TXNDC16: variants seen among roughly 807,000 people sequenced by gnomAD.
The protein encoded by TXNDC16 is thioredoxin domain containing 16.
TXNDC16 carries 74 observed loss-of-function variants against 85.6 expected under a neutral mutation model. The observed-to-expected ratio is 0.86, with a 90% CI of 0.72 to 1.05. The LOEUF (loss-of-function observed/expected upper bound fraction) is 1.05. Among genes scored for constraint, TXNDC16 ranks in the 50% least tolerant of loss-of-function variants. The probability of loss-of-function intolerance (pLI) is 0.00; values close to 1 mark genes in which losing one functional copy is unlikely to be tolerated. For missense variants in TXNDC16, 959 were observed against 947.0 expected (o/e 1.01, Z -0.17); for synonymous variants, 335 against 326.5 (o/e 1.03, Z -0.28).
rs767800615 is a variant in TXNDC16 at position 52,536,762 on chromosome 14, C to T, written c.349G>A (p.Asp117Asn). The change falls in exon 6 of 21, where the codon GAC becomes AAC. Residue 117 changes from aspartate to asparagine, a missense_variant. Coordinates refer to ENST00000281741, the MANE Select transcript of TXNDC16 (RefSeq NM_020784.3). ...GNILLREFPT[D>N]TLFDVNAIVA... is the part of the protein sequence containing the mutation. ...ATGGCATTCACATCAAACAAGGTGT[C>T]AGTAGGGAATTCTCTGAGCAATATG... The T allele has an allele frequency of 9.9e-6, 16 of 1,611,824 alleles. 1 individual carries two copies. The South Asian group carries it at 1.8e-4, about 18-fold the overall frequency.
chr14:52,478,392 G>A (rs1283977830), intron 14 of TXNDC16, among the ~76,000 whole-genome samples: 1 of 152,056 alleles, frequency 6.6e-6, no homozygotes, highest in Non-Finnish European at 1.5e-5. Context: ...CAAAAAGCTG[G>A]TTCTTTGCAA....
chr14:52,497,666 G>C (rs1050796405), intron 9 of TXNDC16, among the ~76,000 whole-genome samples: 2 of 152,140 alleles, frequency 1.3e-5, no homozygotes, highest in African/African-American at 4.8e-5. Flanking sequence ...GATTGCCTGA[G>C]CTCAGGAGTT....
intron 18 of TXNDC16, among the ~76,000 whole-genome samples, chr14:52,450,866 TATATATATATATATAC>T (rs1038240133): frequency 4.1e-4 from 18 of 43,458 alleles, no homozygotes; most frequent in African/African-American, 1.9e-3. Context: ...TATATATATA[TATATATATATATATAC>T]ACACACACAC....
intron 18 of TXNDC16, among the ~76,000 whole-genome samples, chr14:52,454,000 A>G (rs990555259): frequency 6.6e-6 from 1 of 152,274 alleles, no homozygotes; most frequent in Non-Finnish European, 1.5e-5. Context: ...ATAGTAAAAA[A>G]TAATTTAATT....
intron 14 of TXNDC16, among the ~76,000 whole-genome samples, chr14:52,481,819 A>T (rs1426086881): frequency 6.6e-6 from 1 of 152,164 alleles, no homozygotes; most frequent in African/African-American, 2.4e-5. Context: ...TAAACTATAT[A>T]GTTTCAAGGA....
At chr14:52,543,293 T>C in intron 3 of TXNDC16, 105 bp downstream of exon 3, 1 of 1,236,524 alleles carries the variant, frequency 8.1e-7, no homozygotes, top group Non-Finnish European at 1.1e-6. Flanking sequence ...GTAACAGCTA[T>C]ATAGCACATA....
At chr14:52,517,277 T>C (rs988630048) in intron 7 of TXNDC16, among the ~76,000 whole-genome samples, 3 of 152,178 alleles carry the variant, frequency 2.0e-5, no homozygotes, top group African/African-American at 7.2e-5. Context: ...GTGCTCAGCC[T>C]GTTCAATACT....
intron 1 of TXNDC16, among the ~76,000 whole-genome samples, chr14:52,547,405 T>C (rs1025522876): frequency 3.9e-5 from 6 of 152,266 alleles, no homozygotes; most frequent in African/African-American, 1.4e-4. Context: ...TAGAACATTT[T>C]ATAGCAATTT....
At position 52,431,536 on chromosome 14, in the gene TXNDC16, T is replaced by C. The variant is rs1183080141; in HGVS notation, c.*768A>G. 1.3e-5 allele frequency: 2 copies of C among 152,174 alleles called. No individual in the cohort carries two copies. Among genetic ancestry groups the C allele is most frequent in the African/African-American group, 4.8e-5 (2 of 41,424 alleles). 9.4% of individuals were successfully genotyped at this position (152,174 alleles called of 1,614,324 possible). On this transcript the variant is annotated 3_prime_UTR_variant, in exon 21 of 21. Transcript: ENST00000281741. ...ATGATACGTGAGCAGAACCAGGAAATTCTGGAAACCTAGTCTGCCACAGGT... is the reference window on the plus strand; with the variant it reads ...ATGATACGTGAGCAGAACCAGGAAACTCTGGAAACCTAGTCTGCCACAGGT...
intron 12 of TXNDC16, 109 bp downstream of exon 12, chr14:52,488,254 G>A: frequency 7.5e-7 from 1 of 1,337,118 alleles, no homozygotes; most frequent in South Asian, 1.3e-5. Context: ...TTTCTTTACA[G>A]AGTCTTGAAT....
At chr14:52,520,406 G>A (rs1594749891) in intron 6 of TXNDC16, among the ~76,000 whole-genome samples, 1 of 152,004 alleles carries the variant, frequency 6.6e-6, no homozygotes, top group Non-Finnish European at 1.5e-5. Flanking sequence ...GGCGGATCAC[G>A]AGGTCAGGAG....
chr14:52,524,529 C>G lies in TXNDC16; in HGVS notation c.393-5236G>C, dbSNP rs570564229. On this transcript the variant is annotated intron_variant, in intron 6 of 20. Transcript: ENST00000281741. ...TTTTTATTTTTTTGAGGGTCTTGCT[C>G]TGTCACACAGGCTGAACGGCAAAAT... Among the ~76,000 whole-genome samples the G allele has an allele frequency of 2.6e-5, 4 of 152,128 alleles. No homozygotes were observed. In the East Asian group the frequency reaches 5.9e-4, roughly 22 times the overall value.
At chr14:52,490,805 G>C in intron 10 of TXNDC16, 34 bp downstream of exon 10, 1 of 1,585,812 alleles carries the variant, frequency 6.3e-7, no homozygotes. Flanking sequence ...TTAGCGTTTT[G>C]CTAAATATAG....
chr14:52,502,199 C>G (rs2036674702), intron 9 of TXNDC16, among the ~76,000 whole-genome samples: 1 of 152,190 alleles, frequency 6.6e-6, no homozygotes. Flanking sequence ...TCAGTGTCTA[C>G]CGGGGCTTCT....
chr14:52,432,200 G>A lies in TXNDC16; in HGVS notation c.*104C>T. On this transcript the variant is annotated 3_prime_UTR_variant, in exon 21 of 21. Coordinates refer to ENST00000281741, the MANE Select transcript of TXNDC16 (RefSeq NM_020784.3). Reference sequence around the variant, plus strand: ...TGTGACTTATATTATAATTCTATTGGATGGCACTAGTCTGCAAACTTGAAA... The same window carrying A: ...TGTGACTTATATTATAATTCTATTGAATGGCACTAGTCTGCAAACTTGAAA... The A allele has an allele frequency of 1.1e-6, 1 of 935,502 alleles. No individual in the cohort carries two copies. The highest frequency in any genetic ancestry group is 1.5e-6 in the Non-Finnish European group (1 of 658,576). The allele number at this position is 935,502 out of a possible 1,614,324, so 58.0% of individuals were successfully genotyped here.
chr14:52,456,974 T>A, intron 17 of TXNDC16, 116 bp downstream of exon 17: 1 of 681,542 alleles, frequency 1.5e-6, no homozygotes, highest in East Asian at 3.1e-5. Flanking sequence ...TAAAAAAAAT[T>A]TCTTTAGATT....
In TXNDC16 at chr14:52,456,973, T is replaced by C. The variant is rs1429423123; in HGVS notation, c.1703+117A>G. 4 of 677,924 alleles carry C rather than the reference T, an allele frequency of 5.9e-6. No homozygotes were observed. In the African/African-American group the frequency reaches 7.7e-5, roughly 13 times the overall value. 42.0% of individuals were successfully genotyped at this position (677,924 alleles called of 1,614,324 possible). A position where few individuals can be genotyped will look rare whatever the true frequency, so the allele number is the denominator to read the frequency against. ...ATTTCCTAGAAGGAAATAAAAAAAATTTCTTTAGATTGCTACCTTATTTTC... is the reference window on the plus strand; with the variant it reads ...ATTTCCTAGAAGGAAATAAAAAAAACTTCTTTAGATTGCTACCTTATTTTC... On this transcript the variant is annotated intron_variant, in intron 17 of 20. Coordinates refer to ENST00000281741, the MANE Select transcript of TXNDC16 (RefSeq NM_020784.3).
chr14:52,464,242 T>C (rs1370981545), intron 16 of TXNDC16, among the ~76,000 whole-genome samples: 1 of 152,238 alleles, frequency 6.6e-6, no homozygotes, highest in Non-Finnish European at 1.5e-5. Context: ...ACTTGTGTGT[T>C]GTGATTTATT....
chr14:52,491,108 TG>T, intron 9 of TXNDC16, 103 bp from the exon 10 acceptor site: 1 of 1,303,824 alleles, frequency 7.7e-7, no homozygotes, highest in Non-Finnish European at 1.0e-6. Context: ...TAAAAAAAAG[TG>T]TAAAATAATC....
Sources: gnomAD v4.1 joint callset for allele counts (sites outside exome capture counted in the v4.1 genomes callset) on GRCh38, gnomAD v4.1.1 for gene constraint, MANE v1.5 for transcripts, NCBI Gene and HGNC (gene_info 2026-07-23, HGNC 2026-07-21) for gene names.